Variants in RIPOR2 observed in about 807,000 individuals in gnomAD.
RIPOR2 encodes the protein rho family-interacting cell polarization regulator 2.
RIPOR2 carries 39 observed loss-of-function variants against 114.5 expected under a neutral mutation model. That is an observed-to-expected ratio of 0.34 (90% CI 0.26 to 0.44). The LOEUF (loss-of-function observed/expected upper bound fraction) is 0.44. Ranked by LOEUF, RIPOR2 falls within the 20% of genes least tolerant of loss-of-function variation. RIPOR2 has a pLI of 1.00. For synonymous variants in RIPOR2, 445 were observed against 484.4 expected (o/e 0.92, Z 1.07); for missense variants, 1,007 against 1,255.1 (o/e 0.80, Z 2.99).
At position 24,835,788 on chromosome 6, in the gene RIPOR2, C is replaced by T. The variant is rs1422837284; in HGVS notation, c.2123G>A (p.Gly708Glu). 1.9e-6 allele frequency: 3 copies of T among 1,551,488 alleles called. No individual in the cohort carries two copies. The highest frequency in any genetic ancestry group is 2.6e-6 in the Non-Finnish European group (3 of 1,146,972). Residue 708 changes from glycine to glutamate, a missense_variant, in exon 15 of 22, where the codon GGA becomes GAA. Transcript: ENST00000643898. Reference sequence around the variant, plus strand: ...GCCTGTGGTCAGTGGGAGAGGACTTCCTGCCACACTGGTCCCAACTCCTGT... The same window carrying T: ...GCCTGTGGTCAGTGGGAGAGGACTTTCTGCCACACTGGTCCCAACTCCTGT... ...EDTGVGTSVA[G>E]SPLPLTTGNE...
intron 8 of RIPOR2, among the ~76,000 whole-genome samples, chr6:24,853,428 A>G (rs1763153794): frequency 6.6e-6 from 1 of 152,200 alleles, no homozygotes; most frequent in Non-Finnish European, 1.5e-5. Flanking sequence ...ATATTTACTG[A>G]GAGCCGGCTA....
At chr6:24,917,867 T>C (rs1164181974) in intron 1 of RIPOR2, among the ~76,000 whole-genome samples, 1 of 152,214 alleles carries the variant, frequency 6.6e-6, no homozygotes, top group Non-Finnish European at 1.5e-5. Flanking sequence ...TGACTTTCAC[T>C]TCACAATATC....
intron 2 of RIPOR2, among the ~76,000 whole-genome samples, chr6:24,874,339 G>C (rs1302819388): frequency 6.6e-6 from 1 of 152,018 alleles, no homozygotes; most frequent in East Asian, 1.9e-4. Context: ...TTGATCTCTT[G>C]GCTTCAAGCA....
intron 1 of RIPOR2, among the ~76,000 whole-genome samples, chr6:25,025,239 A>G (rs1252736860): frequency 6.6e-6 from 1 of 152,194 alleles, no homozygotes; most frequent in African/African-American, 2.4e-5. Context: ...GATCTAAGAT[A>G]TAGTCAAGGG....
At chr6:24,913,326 C>T (rs913931740) in intron 1 of RIPOR2, among the ~76,000 whole-genome samples, 3 of 152,212 alleles carry the variant, frequency 2.0e-5, no homozygotes, top group African/African-American at 7.2e-5. Context: ...CAGTGGGCTG[C>T]ATCTCCCCTT....
At chr6:24,846,638 T>C (rs1762321320) in intron 12 of RIPOR2, among the ~76,000 whole-genome samples, 1 of 152,074 alleles carries the variant, frequency 6.6e-6, no homozygotes, top group African/African-American at 2.4e-5. Flanking sequence ...ATGAAAACGA[T>C]GCAATTATTA....
At chr6:24,898,836 G>C (rs1031150623) in intron 1 of RIPOR2, among the ~76,000 whole-genome samples, 5 of 152,004 alleles carry the variant, frequency 3.3e-5, no homozygotes, top group African/African-American at 4.8e-5. Context: ...AAAATTTACT[G>C]CTCCGTCATA....
At chr6:24,974,085 C>T (rs1364617447) in intron 1 of RIPOR2, among the ~76,000 whole-genome samples, 1 of 152,056 alleles carries the variant, frequency 6.6e-6, no homozygotes, top group Admixed American at 6.6e-5. Flanking sequence ...CACATGTGCT[C>T]GTTGAGTCTA....
intron 18 of RIPOR2, among the ~76,000 whole-genome samples, chr6:24,826,906 T>TC (rs1306765043): frequency 6.6e-6 from 1 of 152,028 alleles, no homozygotes; most frequent in Non-Finnish European, 1.5e-5. Context: ...TTTACATTTT[T>TC]TTTTTTAATA....
chr6:24,938,439 C>G (rs762722840), upstream of RIPOR2, among the ~76,000 whole-genome samples: 15 of 152,314 alleles, frequency 9.8e-5, no homozygotes, highest in Middle Eastern at 3.4e-3. Flanking sequence ...TTAAGCCACC[C>G]AGTTTGTGGT....
chr6:24,955,184 A>T (rs1561805675), intron 1 of RIPOR2, among the ~76,000 whole-genome samples: 2 of 152,230 alleles, frequency 1.3e-5, no homozygotes, highest in Non-Finnish European at 2.9e-5. Context: ...TTATCAATTT[A>T]TAATACCTGT....
intron 1 of RIPOR2, among the ~76,000 whole-genome samples, chr6:24,889,265 G>A (rs982561593): frequency 5.9e-5 from 9 of 152,112 alleles, no homozygotes; most frequent in Non-Finnish European, 1.3e-4. Context: ...GGGAGGGAAG[G>A]TTAAAGAATT....
At chr6:24,867,153 A>G (rs1408187166) in intron 6 of RIPOR2, among the ~76,000 whole-genome samples, 1 of 152,232 alleles carries the variant, frequency 6.6e-6, no homozygotes, top group Non-Finnish European at 1.5e-5. Flanking sequence ...TGCTGAGAAG[A>G]ATGCCCAAAC....
At chr6:24,924,078 C>T (rs1481642882) in intron 1 of RIPOR2, among the ~76,000 whole-genome samples, 5 of 152,126 alleles carry the variant, frequency 3.3e-5, no homozygotes, top group Non-Finnish European at 7.3e-5. Flanking sequence ...AGCAGACCCA[C>T]GCTGGTCTGC....
At chr6:25,042,058 TAA>T (rs35331447), upstream of RIPOR2, 21,116 of 430,212 alleles carry the variant, frequency 0.049, 2 homozygotes, top group South Asian at 0.072. Flanking sequence ...GTTCTTTTCT[TAA>T]AAAAAAAAAA....
intron 19 of RIPOR2, among the ~76,000 whole-genome samples, chr6:24,819,935 A>G (rs1007258262): frequency 1.3e-5 from 2 of 152,040 alleles, no homozygotes; most frequent in Admixed American, 6.6e-5. Context: ...TCTTGAAGAG[A>G]ATTGAGGGTG....
At chr6:25,008,545 C>T (rs749135950) in intron 1 of RIPOR2, among the ~76,000 whole-genome samples, 21 of 152,230 alleles carry the variant, frequency 1.4e-4, no homozygotes, top group Non-Finnish European at 1.0e-4. Flanking sequence ...CTTGTAAGAT[C>T]CATTTTGGAC....
chr6:24,864,750 C>T (rs1177390962), intron 7 of RIPOR2, among the ~76,000 whole-genome samples: 1 of 152,066 alleles, frequency 6.6e-6, no homozygotes, highest in East Asian at 1.9e-4. Flanking sequence ...TTAATCTTGG[C>T]TCCTTTATGA....
At chr6:24,907,847 G>A (rs937910534) in intron 1 of RIPOR2, among the ~76,000 whole-genome samples, 1 of 152,176 alleles carries the variant, frequency 6.6e-6, no homozygotes, top group Non-Finnish European at 1.5e-5. Context: ...TTTCTGAACA[G>A]ATCTTTATAA....
Sources: allele counts gnomAD v4.1 joint callset (sites outside exome capture counted in the v4.1 genomes callset), GRCh38; gene constraint gnomAD v4.1.1; transcripts MANE v1.5; gene names NCBI Gene and HGNC (gene_info 2026-07-23, HGNC 2026-07-21).